The following BACH2 variants were observed in gnomAD, a reference collection of about 807,000 sequenced individuals.
BACH2 encodes BACH transcriptional regulator 2.
Under a neutral mutation model 61.8 loss-of-function variants are expected in BACH2, and 5 were observed. The ratio of observed to expected loss-of-function variants is 0.08; its 90% confidence interval spans 0.04 to 0.17. BACH2 has a LOEUF of 0.17. Ranked by LOEUF, BACH2 falls within the 10% of genes least tolerant of loss-of-function variation. The probability of loss-of-function intolerance (pLI) is 1.00; values close to 1 mark genes in which losing one functional copy is unlikely to be tolerated. For synonymous variants in BACH2, 446 were observed against 440.1 expected (o/e 1.01, Z -0.17); for missense variants, 824 against 1,091.1 (o/e 0.76, Z 3.45).
At chr6:90,093,369 T>G (rs1051513693) in intron 4 of BACH2, among the ~76,000 whole-genome samples, 2 of 152,080 alleles carry the variant, frequency 1.3e-5, no homozygotes, top group African/African-American at 4.8e-5. Context: ...ACATGGGAAT[T>G]TGACTTTAAA....
At chr6:89,997,222 G>T (rs1261030507) in intron 6 of BACH2, among the ~76,000 whole-genome samples, 1 of 152,140 alleles carries the variant, frequency 6.6e-6, no homozygotes, top group Admixed American at 6.5e-5. Context: ...AGGAGGAATG[G>T]AAAGACTTTG....
chr6:90,073,250 G>A (rs1781320366), intron 5 of BACH2, among the ~76,000 whole-genome samples: 1 of 152,152 alleles, frequency 6.6e-6, no homozygotes, highest in Non-Finnish European at 1.5e-5. Context: ...TTCTAAAAGA[G>A]ATCACCTCAG....
chr6:89,949,358 A>C (rs1368523474), intron 7 of BACH2, among the ~76,000 whole-genome samples: 4 of 152,142 alleles, frequency 2.6e-5, no homozygotes, highest in African/African-American at 9.7e-5. Flanking sequence ...GTCAATCAGC[A>C]AGACAGTGCA....
rs1294081983 is a variant in BACH2 at position 90,156,523 on chromosome 6, AT to A, written c.-162+50045del. Among the ~76,000 whole-genome samples the A allele has an allele frequency of 3.9e-5, 6 of 152,322 alleles. No individual in the cohort carries two copies. The East Asian group carries it at 1.2e-3, about 29-fold the overall frequency. The stretch of plus-strand genomic sequence containing the variant: ...CTCTCATGGTTTACTTCAGGGGAGC[AT>A]TGTACAAAAATGGGTGATTGTCTAG... On this transcript the variant is annotated intron_variant, in intron 4 of 8. Transcript: ENST00000257749.
At chr6:90,180,297 A>G (rs1470332119) in intron 4 of BACH2, among the ~76,000 whole-genome samples, 1 of 152,224 alleles carries the variant, frequency 6.6e-6, no homozygotes, top group East Asian at 1.9e-4. Context: ...TAAAAGAAAT[A>G]TAAATAGCTA....
chr6:89,953,188 T>C (rs1289711591), intron 6 of BACH2: 3 of 152,212 alleles, frequency 2.0e-5, no homozygotes, highest in African/African-American at 7.2e-5. Flanking sequence ...GGACCTGTAA[T>C]TGATGTTCAA....
intron 3 of BACH2, among the ~76,000 whole-genome samples, chr6:90,238,340 A>G (rs891120259): frequency 6.6e-5 from 10 of 152,270 alleles, no homozygotes; most frequent in African/African-American, 2.4e-4. Flanking sequence ...GTTACCATAG[A>G]AACAAGTCAT....
At chr6:90,141,672 T>C (rs942347714) in intron 4 of BACH2, among the ~76,000 whole-genome samples, 1 of 152,156 alleles carries the variant, frequency 6.6e-6, no homozygotes, top group Non-Finnish European at 1.5e-5. Context: ...TGTGATAAAA[T>C]AATCATCTTC....
intron 5 of BACH2, among the ~76,000 whole-genome samples, chr6:90,012,917 G>A (rs1777805215): frequency 6.6e-6 from 1 of 152,094 alleles, no homozygotes; most frequent in African/African-American, 2.4e-5. Context: ...GCCTCCCAAA[G>A]TGCTGGGATT....
At chr6:90,138,727 C>T (rs1240938424) in intron 4 of BACH2, among the ~76,000 whole-genome samples, 2 of 152,150 alleles carry the variant, frequency 1.3e-5, no homozygotes, top group Non-Finnish European at 2.9e-5. Context: ...AAGACATCTT[C>T]CAGGCCCACC....
chr6:90,149,709 G>A (rs1487334512), intron 4 of BACH2, among the ~76,000 whole-genome samples: 6 of 152,208 alleles, frequency 3.9e-5, no homozygotes, highest in Non-Finnish European at 5.9e-5. Flanking sequence ...TATATAGGCA[G>A]ATGAAAATCT....
intron 6 of BACH2, among the ~76,000 whole-genome samples, chr6:89,969,614 C>T (rs1582115156): frequency 6.6e-6 from 1 of 152,170 alleles, no homozygotes; most frequent in East Asian, 1.9e-4. Context: ...CAGCCTCATG[C>T]TTTCTAGGAA....
At chr6:89,953,774 T>C (rs929703582) in intron 6 of BACH2, among the ~76,000 whole-genome samples, 1 of 152,098 alleles carries the variant, frequency 6.6e-6, no homozygotes, top group Admixed American at 6.5e-5. Flanking sequence ...GTTTAGAGAG[T>C]GTTGTCTCAA....
rs1386207085 is a variant in BACH2 at position 89,929,116 on chromosome 6, C to T, written c.*3292G>A. The T allele has an allele frequency of 6.6e-6, 1 of 152,196 alleles. No individual in the cohort carries two copies. The highest frequency in any genetic ancestry group is 2.4e-5 in the African/African-American group (1 of 41,398). 9.4% of individuals were successfully genotyped at this position (152,196 alleles called of 1,614,324 possible). A position where few individuals can be genotyped will look rare whatever the true frequency, so the allele number is the denominator to read the frequency against. On this transcript the variant is annotated 3_prime_UTR_variant, in exon 9 of 9. Coordinates refer to ENST00000257749, the MANE Select transcript of BACH2 (RefSeq NM_021813.4). ...TCTCAGGGTCACTCACCTCCACTGG[C>T]TCTGCCCCAACAACCATTCCTACCC...
chr6:89,983,625 C>T (rs192357719), intron 6 of BACH2, among the ~76,000 whole-genome samples: 5 of 152,296 alleles, frequency 3.3e-5, no homozygotes, highest in Admixed American at 6.5e-5. Context: ...GCCGAGATCA[C>T]GCCATTGCAC....
chr6:90,143,666 T>A (rs1242977095), intron 4 of BACH2, among the ~76,000 whole-genome samples: 2 of 152,150 alleles, frequency 1.3e-5, no homozygotes, highest in African/African-American at 4.8e-5. Context: ...ATTCTATCTA[T>A]CTAGAATGTG....
intron 7 of BACH2, among the ~76,000 whole-genome samples, chr6:89,941,587 A>G (rs1439270178): frequency 6.6e-6 from 1 of 152,184 alleles, no homozygotes; most frequent in Non-Finnish European, 1.5e-5. Flanking sequence ...TTCTAATGAT[A>G]TGAAAGAATG....
intron 1 of BACH2, among the ~76,000 whole-genome samples, chr6:90,293,822 T>C (rs1276458343): frequency 6.6e-6 from 1 of 152,222 alleles, no homozygotes; most frequent in African/African-American, 2.4e-5. Context: ...AACAATACTG[T>C]GCACTTATTC....
At position 89,951,353 on chromosome 6, in the gene BACH2, T is replaced by C; in HGVS notation, c.753A>G (p.Ser251=). ...CTTCCCGGAATGTGCTTGCAAAACCTGAGGTACTGTGTGATGATGCATTAT... is the reference window on the plus strand; with the variant it reads ...CTTCCCGGAATGTGCTTGCAAAACCCGAGGTACTGTGTGATGATGCATTAT... ...NVYNASSHST[S]GFASTFREDN... Residue 251 remains serine, a synonymous_variant, in exon 7 of 9, where the codon TCA becomes TCG. Transcript: ENST00000257749. The surrounding 1 kb of genome is among the most constrained non-coding windows in gnomAD (Gnocchi z 6.4). 6.2e-7 allele frequency: 1 copy of C among 1,614,214 alleles called. No individual in the cohort carries two copies. Among genetic ancestry groups the C allele is most frequent in the Non-Finnish European group, 8.5e-7 (1 of 1,180,018 alleles).
Sources: allele counts gnomAD v4.1 joint callset (sites outside exome capture counted in the v4.1 genomes callset), GRCh38; gene constraint gnomAD v4.1.1; non-coding constraint Gnocchi (gnomAD v3.1); transcripts MANE v1.5; gene names NCBI Gene and HGNC (gene_info 2026-07-23, HGNC 2026-07-21).